GRIK5: variants seen among roughly 807,000 people sequenced by gnomAD.
The protein encoded by GRIK5 is glutamate ionotropic receptor kainate type subunit 5.
A neutral mutation model predicts 97.4 loss-of-function variants in GRIK5; 43 were observed. That is an observed-to-expected ratio of 0.44 (90% CI 0.35 to 0.57). The LOEUF (loss-of-function observed/expected upper bound fraction) is 0.57. Ranked by LOEUF, GRIK5 falls within the 20% of genes least tolerant of loss-of-function variation. The pLI, the probability that GRIK5 is intolerant of heterozygous loss-of-function variation, is 0.01. For missense variants in GRIK5, 1,015 were observed against 1,382.0 expected, an observed-to-expected ratio of 0.73 and a Z score of 4.21; for synonymous variants, 580 against 583.5, an observed-to-expected ratio of 0.99 and a Z score of 0.09.
Position 42,056,890 on chromosome 19 carries a change from A to G in GRIK5, c.741+35T>C, listed in dbSNP as rs528429795. Reference sequence around the variant, plus strand: ...AATGGGACAGCTGTGATGGGAAGGAAGTGGGGGCAGAGATGGGCCAGAGGG... The same window carrying G: ...AATGGGACAGCTGTGATGGGAAGGAGGTGGGGGCAGAGATGGGCCAGAGGG... On this transcript the variant is annotated intron_variant, in intron 7 of 19. Coordinates refer to ENST00000593562, the MANE Select transcript of GRIK5 (RefSeq NM_002088.5). 51 of 1,609,918 alleles carry G rather than the reference A, an allele frequency of 3.2e-5. No homozygotes were observed. In the Admixed American group the frequency reaches 6.8e-4, roughly 21 times the overall value.
Position 42,022,154 on chromosome 19 carries a change from T to C in GRIK5, c.1587+87A>G. 1 of 1,401,434 alleles carries C rather than the reference T, an allele frequency of 7.1e-7. No individual in the cohort carries two copies. The highest frequency in any genetic ancestry group is 1.0e-6 in the Non-Finnish European group (1 of 995,812). The allele number at this position is 1,401,434 out of a possible 1,614,324, so 86.8% of individuals were successfully genotyped here. The stretch of plus-strand genomic sequence containing the variant: ...GACCTGGGAGCCTGACCGGCCCATC[T>C]GAGGTCCTGGGGCTGTCTGGCTCCC... On this transcript the variant is annotated intron_variant, in intron 13 of 19. Coordinates refer to ENST00000593562, the MANE Select transcript of GRIK5 (RefSeq NM_002088.5). This position sits in a 1 kb window ranked among gnomAD's most constrained non-coding sequence, Gnocchi z 4.2.
chr19:42,012,034 G>A (rs1185091547), intron 15 of GRIK5, among the ~76,000 whole-genome samples: 1 of 152,120 alleles, frequency 6.6e-6, no homozygotes, highest in Non-Finnish European at 1.5e-5. Flanking sequence ...GAACAGATGG[G>A]ACAAATAGCA....
chr19:42,042,880 AG>A lies in GRIK5; in HGVS notation c.1270-126del. On this transcript the variant is annotated intron_variant, in intron 11 of 19. Coordinates refer to ENST00000593562, the MANE Select transcript of GRIK5 (RefSeq NM_002088.5). The surrounding 1 kb of genome is among the most constrained non-coding windows in gnomAD (Gnocchi z 6.9). ...TGCTGAGCACGGTTGATTTATTCATAGTACACATTTCTCACTTACAAATGCT... is the reference window on the plus strand; with the variant it reads ...TGCTGAGCACGGTTGATTTATTCATATACACATTTCTCACTTACAAATGCT... 3 of 702,848 alleles carry A rather than the reference AG, an allele frequency of 4.3e-6. No homozygotes were observed. The South Asian group carries it at 5.5e-5, about 13-fold the overall frequency. The allele number at this position is 702,848 out of a possible 1,614,324, so 43.5% of individuals were successfully genotyped here. A position where few individuals can be genotyped will look rare whatever the true frequency, so the allele number is the denominator to read the frequency against.
At chr19:42,054,564 C>T in intron 8 of GRIK5, 92 bp from the exon 9 acceptor site, 1 of 1,413,712 alleles carries the variant, frequency 7.1e-7, no homozygotes, top group East Asian at 2.4e-5. Context: ...CTCAAACCCT[C>T]AAATAACTTC....
At chr19:42,007,043 T>C (rs925988016) in intron 15 of GRIK5, among the ~76,000 whole-genome samples, 7 of 152,018 alleles carry the variant, frequency 4.6e-5, no homozygotes, top group Non-Finnish European at 1.0e-4. Context: ...GGTCTGGAAA[T>C]ACCCTCCCAC....
At chr19:42,032,069 C>T (rs1446333477) in intron 12 of GRIK5, among the ~76,000 whole-genome samples, 1 of 152,122 alleles carries the variant, frequency 6.6e-6, no homozygotes, top group Non-Finnish European at 1.5e-5. Flanking sequence ...GCTGTGATGG[C>T]ACCACAGCAC....
chr19:42,056,745 G>A lies in GRIK5; in HGVS notation c.820C>T (p.His274Tyr). ...CGGACAAACTCAGGGTAGAAGGGGT[G>A]GGACGTGTTGAACATGGAGAAGCCC... Reference protein sequence around the residue: ...ILGFSMFNTSHPFYPEFVRSL... With the variant: ...ILGFSMFNTSYPFYPEFVRSL... The change falls in exon 8 of 20, where the codon CAC (histidine) becomes TAC (tyrosine). Residue 274 changes from histidine (H) to tyrosine (Y), a missense_variant. Transcript: ENST00000593562. 6.2e-7 allele frequency: 1 copy of A among 1,613,898 alleles called. No individual in the cohort carries two copies. The highest frequency in any genetic ancestry group is 8.5e-7 in the Non-Finnish European group (1 of 1,179,784).
In GRIK5 at chr19:42,003,632, T is replaced by C; in HGVS notation, c.2315A>G (p.Asn772Ser). Residue 772 changes from asparagine (N) to serine (S), a missense_variant, in exon 18 of 20, where the codon AAC becomes AGC. This residue lies in a region of GRIK5 where 229 missense variants were observed against 341.0 expected (regional missense o/e 0.67). Coordinates refer to ENST00000593562, the MANE Select transcript of GRIK5 (RefSeq NM_002088.5). The surrounding 1 kb of genome is among the most constrained non-coding windows in gnomAD (Gnocchi z 4.2). ...GCGCTTCAGGATCTCCAGCCGGTTG[T>C]TCTCCTGAAGCTGCAGGATGGCCAG... is the stretch of plus-strand genomic sequence containing the variant. ...ITLAILQLQENNRLEILKRKW... is the reference protein window; with the variant it reads ...ITLAILQLQESNRLEILKRKW... 1 of 1,613,762 alleles carries C rather than the reference T, an allele frequency of 6.2e-7. No homozygotes were observed.
intron 17 of GRIK5, among the ~76,000 whole-genome samples, chr19:42,005,284 TA>T (rs2075475090): frequency 7.4e-6 from 1 of 134,584 alleles, no homozygotes; most frequent in Non-Finnish European, 1.6e-5. Flanking sequence ...TCCTGAAATA[TA>T]AATAGGCACA....
chr19:42,030,449 G>A (rs1438380991), intron 12 of GRIK5, among the ~76,000 whole-genome samples: 5 of 151,642 alleles, frequency 3.3e-5, no homozygotes, highest in Admixed American at 6.6e-5. Context: ...GAGCCACCGT[G>A]CCCAGCCAGG....
Position 42,021,243 on chromosome 19 carries a change from C to T in GRIK5, c.1871+58G>A. Reference sequence around the variant, plus strand: ...GAGATGCCACAGCCCCAACCCCATCCAGGCCTCAGATGGGTCCCTCCCTCG... The same window carrying T: ...GAGATGCCACAGCCCCAACCCCATCTAGGCCTCAGATGGGTCCCTCCCTCG... On this transcript the variant is annotated intron_variant, in intron 15 of 19. Coordinates refer to ENST00000593562, the MANE Select transcript of GRIK5 (RefSeq NM_002088.5). This position sits in a 1 kb window ranked among gnomAD's most constrained non-coding sequence, Gnocchi z 4.2. The T allele has an allele frequency of 2.8e-6, 4 of 1,404,804 alleles. No homozygotes were observed. Among genetic ancestry groups the T allele is most frequent in the Non-Finnish European group, 3.9e-6 (4 of 1,018,156 alleles). 87.0% of individuals were successfully genotyped at this position (1,404,804 alleles called of 1,614,324 possible).
chr19:42,035,925 C>T (rs1394415323), intron 12 of GRIK5, among the ~76,000 whole-genome samples: 1 of 151,870 alleles, frequency 6.6e-6, no homozygotes, highest in Non-Finnish European at 1.5e-5. Context: ...TGATGGTATG[C>T]AAAAATGCTT....
chr19:42,048,019 C>T (rs2076065391), intron 11 of GRIK5, among the ~76,000 whole-genome samples: 1 of 150,302 alleles, frequency 6.7e-6, no homozygotes, highest in Non-Finnish European at 1.5e-5. Context: ...GACTCCCCTA[C>T]CTCACATGCT....
chr19:42,065,805 G>T lies in GRIK5; in HGVS notation c.-35C>A. The T allele has an allele frequency of 6.6e-7, 1 of 1,521,198 alleles. No individual in the cohort carries two copies. The allele number at this position is 1,521,198 out of a possible 1,614,324, so 94.2% of individuals were successfully genotyped here. A position where few individuals can be genotyped will look rare whatever the true frequency, so the allele number is the denominator to read the frequency against. Reference sequence around the variant, plus strand: ...CTCCTCATGGGGACGCAGCTGCCGCGGCCCCCACTCGCCACCTGCAGGGAG... The same window carrying T: ...CTCCTCATGGGGACGCAGCTGCCGCTGCCCCCACTCGCCACCTGCAGGGAG... On this transcript the variant is annotated 5_prime_UTR_variant, in exon 2 of 20. Coordinates refer to ENST00000593562, the MANE Select transcript of GRIK5 (RefSeq NM_002088.5). This position sits in a 1 kb window ranked among gnomAD's most constrained non-coding sequence, Gnocchi z 5.8.
At chr19:42,000,536 G>A (rs369768328) in intron 19 of GRIK5, among the ~76,000 whole-genome samples, 74 of 152,290 alleles carry the variant, frequency 4.9e-4, no homozygotes, top group Non-Finnish European at 7.4e-4. Flanking sequence ...TGGACACATC[G>A]CATCACGTGC....
At chr19:42,016,276 C>A (rs2146037519) in intron 15 of GRIK5, among the ~76,000 whole-genome samples, 1 of 152,242 alleles carries the variant, frequency 6.6e-6, no homozygotes, top group South Asian at 2.1e-4. Flanking sequence ...AAAAAATTAG[C>A]CAGACGTGGT....
intron 3 of GRIK5, among the ~76,000 whole-genome samples, chr19:42,064,754 C>A (rs559213093): frequency 5.1e-4 from 78 of 152,344 alleles, no homozygotes; most frequent in African/African-American, 1.1e-3. Flanking sequence ...GAACATTCAG[C>A]CCATCAGTAT....
rs907276067 is a variant in GRIK5, at chr19:42,042,436, T to G, written c.1473+116A>C. 2.3e-6 allele frequency: 2 copies of G among 887,970 alleles called. No individual in the cohort carries two copies. The highest frequency in any genetic ancestry group is 3.3e-5 in the African/African-American group (2 of 60,266). 55.0% of individuals were successfully genotyped at this position (887,970 alleles called of 1,614,324 possible). A position where few individuals can be genotyped will look rare whatever the true frequency, so the allele number is the denominator to read the frequency against. On this transcript the variant is annotated intron_variant, in intron 12 of 19. Transcript: ENST00000593562. This position sits in a 1 kb window ranked among gnomAD's most constrained non-coding sequence, Gnocchi z 6.9. ...GGTGGTGTCAGGGGCCCTTCATGGC[T>G]CCTTCCTCTTCTGCCACCAGCCAGG...
chr19:42,056,815 G>A lies in GRIK5; in HGVS notation c.750C>T (p.Pro250=), dbSNP rs1184462966. 6.2e-7 allele frequency: 1 copy of A among 1,614,124 alleles called. No homozygotes were observed. The highest frequency in any genetic ancestry group is 1.7e-5 in the Admixed American group (1 of 60,032). Residue 250 remains proline (P), a synonymous_variant, in exon 8 of 20, where the codon CCC becomes CCT. Coordinates refer to ENST00000593562, the MANE Select transcript of GRIK5 (RefSeq NM_002088.5). ...YKYILTTMDF[P]ILHLDGIVED... ...CCACAATACCGTCCAGATGCAGGAT[G>A]GGGAAGTCCTGGGACCAGGAAGAGG...
Sources: gnomAD v4.1 joint callset for allele counts (sites outside exome capture counted in the v4.1 genomes callset) on GRCh38, gnomAD v4.1.1 for gene constraint, gnomAD v4.1.1 regional missense constraint, Gnocchi (gnomAD v3.1) non-coding constraint, MANE v1.5 for transcripts, NCBI Gene and HGNC (gene_info 2026-07-23, HGNC 2026-07-21) for gene names.